RASGRP3: variants seen among roughly 807,000 people sequenced by gnomAD.
RASGRP3 encodes the protein RAS guanyl releasing protein 3, also known as ras guanyl-releasing protein 3.
RASGRP3 carries 54 observed loss-of-function variants against 82.7 expected under a neutral mutation model. The observed-to-expected ratio is 0.65, with a 90% confidence interval of 0.52 to 0.82. RASGRP3 has a LOEUF of 0.82. Ranked by LOEUF, RASGRP3 falls within the 40% of genes least tolerant of loss-of-function variation. The pLI is 0.00. For synonymous variants in RASGRP3, 309 were observed against 300.5 expected (o/e 1.03, Z -0.29); for missense variants, 861 against 828.9 (o/e 1.04, Z -0.48).
At position 33,563,569 on chromosome 2, in the gene RASGRP3, A is replaced by AAAT. The variant is rs1456032378; in HGVS notation, c.*833_*835dup. On this transcript the variant is annotated 3_prime_UTR_variant, in exon 18 of 18. Coordinates refer to ENST00000403687, the MANE Select transcript of RASGRP3 (RefSeq NM_001139488.2). ...TCCTGAAGTAGAAATAGCAATTAAG[A>AAAT]AATTAATTCAAGTTTTGACGGTTAA... The AAAT allele has an allele frequency of 6.7e-6, 1 of 149,906 alleles. No homozygotes were observed. Among genetic ancestry groups the AAAT allele is most frequent in the Non-Finnish European group, 1.5e-5 (1 of 67,056 alleles). The allele number at this position is 149,906 out of a possible 1,614,324, so 9.3% of individuals were successfully genotyped here.
intron 1 of RASGRP3, among the ~76,000 whole-genome samples, chr2:33,504,246 T>C (rs1199445362): frequency 6.6e-6 from 1 of 152,198 alleles, no homozygotes; most frequent in African/African-American, 2.4e-5. Flanking sequence ...AAGCTTAGTA[T>C]CTTTCCTGTC....
chr2:33,524,198 T>A, intron 8 of RASGRP3, 146 bp downstream of exon 8: 1 of 1,088,124 alleles, frequency 9.2e-7, no homozygotes, highest in Non-Finnish European at 1.3e-6. Flanking sequence ...AAATCGTATT[T>A]TTGTCATGCA....
At chr2:33,443,999 A>G (rs1026104263) in intron 1 of RASGRP3, among the ~76,000 whole-genome samples, 1 of 152,226 alleles carries the variant, frequency 6.6e-6, no homozygotes, top group African/African-American at 2.4e-5. Flanking sequence ...GATAAAATGA[A>G]TTTTAATATC....
intron 1 of RASGRP3, among the ~76,000 whole-genome samples, chr2:33,478,401 G>A (rs1341710861): frequency 6.6e-6 from 1 of 152,136 alleles, no homozygotes; most frequent in Non-Finnish European, 1.5e-5. Context: ...TTCCTCCTGA[G>A]TCATTCTTTA....
intron 14 of RASGRP3, among the ~76,000 whole-genome samples, chr2:33,550,341 G>T: frequency 6.6e-6 from 1 of 152,174 alleles, no homozygotes; most frequent in East Asian, 1.9e-4. Context: ...GAAGATAGAG[G>T]TTCAAAGAGG....
intron 1 of RASGRP3, among the ~76,000 whole-genome samples, chr2:33,489,066 T>A (rs1668631538): frequency 6.6e-6 from 1 of 152,200 alleles, no homozygotes; most frequent in Non-Finnish European, 1.5e-5. Context: ...TCTGGGGACA[T>A]TTTTGGTAGT....
chr2:33,498,122 A>T (rs1408207138), intron 1 of RASGRP3, among the ~76,000 whole-genome samples: 2 of 152,170 alleles, frequency 1.3e-5, no homozygotes, highest in South Asian at 2.1e-4. Context: ...GAATCATTGC[A>T]TCCCTCAGTA....
intron 7 of RASGRP3, among the ~76,000 whole-genome samples, chr2:33,522,358 A>G (rs1461105707): frequency 2.4e-4 from 36 of 152,212 alleles, no homozygotes. Flanking sequence ...ATTTTTCTAA[A>G]CAGTCAGTGG....
chr2:33,509,213 C>T (rs948543911), intron 1 of RASGRP3, among the ~76,000 whole-genome samples: 9 of 151,982 alleles, frequency 5.9e-5, no homozygotes, highest in Non-Finnish European at 1.0e-4. Context: ...CCAGCCTGGC[C>T]GACATGGGGA....
chr2:33,519,445 T>C (rs1257525869), intron 4 of RASGRP3, among the ~76,000 whole-genome samples: 1 of 152,076 alleles, frequency 6.6e-6, no homozygotes, highest in African/African-American at 2.4e-5. Context: ...CGAAACCCCG[T>C]CTCTACTAAA....
chr2:33,562,459 C>CG (rs375860171), intron 17 of RASGRP3, among the ~76,000 whole-genome samples: 68 of 151,478 alleles, frequency 4.5e-4, no homozygotes, highest in African/African-American at 1.5e-3. Flanking sequence ...TTTGTAGAGA[C>CG]GGGGTCTTGC....
At chr2:33,470,119 C>A (rs1033130033) in intron 2 of RASGRP3, among the ~76,000 whole-genome samples, 3 of 151,934 alleles carry the variant, frequency 2.0e-5, no homozygotes, top group African/African-American at 7.3e-5. Flanking sequence ...TTAAAATAAA[C>A]TTGAGGATTT....
intron 1 of RASGRP3, among the ~76,000 whole-genome samples, chr2:33,481,024 A>C (rs1312201575): frequency 6.6e-6 from 1 of 152,196 alleles, no homozygotes; most frequent in Admixed American, 6.5e-5. Context: ...CATTGTTTTC[A>C]AAGAGGAAAT....
chr2:33,529,311 G>C (rs545865084), intron 10 of RASGRP3, among the ~76,000 whole-genome samples: 2 of 151,314 alleles, frequency 1.3e-5, no homozygotes, highest in Non-Finnish European at 2.9e-5. Flanking sequence ...TGGCTAACAC[G>C]GTGAAACGCC....
At chr2:33,465,305 C>T (rs1163638089) in intron 2 of RASGRP3, among the ~76,000 whole-genome samples, 4 of 152,130 alleles carry the variant, frequency 2.6e-5, no homozygotes, top group African/African-American at 9.7e-5. Context: ...CTTCAATTCT[C>T]GGAAGGCTGA....
chr2:33,524,962 T>G (rs1200950963), intron 9 of RASGRP3, among the ~76,000 whole-genome samples: 1 of 151,690 alleles, frequency 6.6e-6, no homozygotes, highest in Non-Finnish European at 1.5e-5. Context: ...GCACCTGTAG[T>G]CCCAGTTACT....
chr2:33,460,262 C>A (rs1013294428), intron 2 of RASGRP3, among the ~76,000 whole-genome samples: 22 of 152,062 alleles, frequency 1.4e-4, no homozygotes, highest in African/African-American at 5.3e-4. Flanking sequence ...GGCCATGATA[C>A]ATTATTAAGG....
intron 2 of RASGRP3, among the ~76,000 whole-genome samples, chr2:33,453,914 A>C (rs1665918654): frequency 6.6e-6 from 1 of 152,228 alleles, no homozygotes; most frequent in South Asian, 2.1e-4. Flanking sequence ...TTTTGGGTTA[A>C]ACAAGAGAAA....
intron 11 of RASGRP3, among the ~76,000 whole-genome samples, chr2:33,535,975 T>A (rs1673562585): frequency 6.6e-6 from 1 of 152,146 alleles, no homozygotes; most frequent in African/African-American, 2.4e-5. Context: ...TGGCAGAGCA[T>A]CATACACAGG....
Sources: allele counts gnomAD v4.1 joint callset (sites outside exome capture counted in the v4.1 genomes callset), GRCh38; gene constraint gnomAD v4.1.1; transcripts MANE v1.5; gene names NCBI Gene and HGNC (gene_info 2026-07-23, HGNC 2026-07-21).